Variants in IL1RAPL1 observed in about 807,000 individuals in gnomAD.
The protein encoded by IL1RAPL1 is interleukin 1 receptor accessory protein like 1.
Under a neutral mutation model 48.4 loss-of-function variants are expected in IL1RAPL1, and 3 were observed. The observed-to-expected ratio is 0.06, with a 90% CI of 0.03 to 0.16. The LOEUF (loss-of-function observed/expected upper bound fraction) is 0.16. Among genes scored for constraint, IL1RAPL1 ranks in the 10% least tolerant of loss-of-function variants. IL1RAPL1 has a pLI of 1.00. For missense variants in IL1RAPL1, 349 were observed against 530.6 expected (o/e 0.66, Z 3.36); for synonymous variants, 185 against 187.7 (o/e 0.99, Z 0.12).
chrX:28,784,950 A>G (rs1378084003), intron 1 of IL1RAPL1, among the ~76,000 whole-genome samples: 1 of 111,741 alleles, frequency 8.9e-6, no homozygotes, highest in African/African-American at 3.3e-5. Context: ...TGAATTGTGG[A>G]TTCCACATCC....
At chrX:29,689,583 A>G (rs1210741403) in intron 6 of IL1RAPL1, among the ~76,000 whole-genome samples, 1 of 111,908 alleles carries the variant, frequency 8.9e-6, no homozygotes, top group East Asian at 2.8e-4. Flanking sequence ...TGAAAATGTT[A>G]TGTGAACTCT....
chrX:28,835,369 G>A (rs1244471710), intron 2 of IL1RAPL1, among the ~76,000 whole-genome samples: 1 of 110,829 alleles, frequency 9.0e-6, no homozygotes, highest in Non-Finnish European at 1.9e-5. Context: ...AATTTCAATA[G>A]AGATTTCCAG....
chrX:29,811,210 A>G (rs1000310577), intron 6 of IL1RAPL1, among the ~76,000 whole-genome samples: 1 of 111,057 alleles, frequency 9.0e-6, no homozygotes, highest in Admixed American at 9.7e-5. Flanking sequence ...GGGTGGATAT[A>G]TTAGCAGAGT....
rs1327076848 is a variant in IL1RAPL1 at position 29,473,709 on chromosome X, G to T, written c.703+74401G>T. Among the ~76,000 whole-genome samples, 18 of 108,387 alleles carry T rather than the reference G, an allele frequency of 1.7e-4. No homozygotes were observed. The East Asian group carries it at 5.3e-3, about 32-fold the overall frequency. 94.1% of individuals were successfully genotyped at this position (108,387 alleles called of 115,157 possible). A position where few individuals can be genotyped will look rare whatever the true frequency, so the allele number is the denominator to read the frequency against. ...AGGAATTCTCTCATCTTCTAGGCTG[G>T]ATCAATTGGATTATGAATCTATCAA... On this transcript the variant is annotated intron_variant, in intron 5 of 10. Coordinates refer to ENST00000378993, the MANE Select transcript of IL1RAPL1 (RefSeq NM_014271.4).
intron 5 of IL1RAPL1, among the ~76,000 whole-genome samples, chrX:29,622,110 ATAT>A (rs1290595339): frequency 1.8e-5 from 2 of 112,598 alleles, no homozygotes; most frequent in African/African-American, 6.4e-5. Context: ...TGTCTGAATA[ATAT>A]TCCAGTGATC....
chrX:28,705,424 C>A (rs908391855), intron 1 of IL1RAPL1, among the ~76,000 whole-genome samples: 1 of 111,892 alleles, frequency 8.9e-6, no homozygotes, highest in African/African-American at 3.2e-5. Flanking sequence ...TTCCATCAGA[C>A]CTACCGGTGT....
chrX:28,984,353 G>C (rs1413281213), intron 2 of IL1RAPL1, among the ~76,000 whole-genome samples: 13 of 111,650 alleles, frequency 1.2e-4, no homozygotes. Flanking sequence ...TTCACACAAG[G>C]CTGGGTCATC....
intron 3 of IL1RAPL1, among the ~76,000 whole-genome samples, chrX:29,294,986 C>A (rs1245212221): frequency 9.0e-6 from 1 of 110,974 alleles, no homozygotes; most frequent in Non-Finnish European, 1.9e-5. Context: ...TACAGGAATT[C>A]TATGAAACCA....
intron 3 of IL1RAPL1, among the ~76,000 whole-genome samples, chrX:29,383,558 T>TA (rs1258259782): frequency 2.7e-5 from 3 of 112,170 alleles, no homozygotes; most frequent in East Asian, 2.8e-4. Flanking sequence ...TTTATGTTTA[T>TA]AAAAAAATAC....
At chrX:28,878,976 A>G (rs1479686497) in intron 2 of IL1RAPL1, among the ~76,000 whole-genome samples, 1 of 109,518 alleles carries the variant, frequency 9.1e-6, no homozygotes, top group Non-Finnish European at 1.9e-5. Flanking sequence ...CTAGAATTCA[A>G]ACTTGAATGT....
chrX:29,197,188 G>A (rs1439892236), intron 2 of IL1RAPL1, among the ~76,000 whole-genome samples: 1 of 111,333 alleles, frequency 9.0e-6, no homozygotes, highest in Non-Finnish European at 1.9e-5. Context: ...TATACAAGTT[G>A]AACAAAAAAT....
At chrX:29,189,653 A>T (rs1411546074) in intron 2 of IL1RAPL1, among the ~76,000 whole-genome samples, 2 of 111,432 alleles carry the variant, frequency 1.8e-5, no homozygotes, top group Non-Finnish European at 3.8e-5. Flanking sequence ...AAAATATTAT[A>T]TATTTTCCTA....
In IL1RAPL1 at chrX:29,955,337, C is replaced by T. The variant is rs751668274; in HGVS notation, c.1608C>T (p.Val536=). 1 of 1,210,987 alleles carries T rather than the reference C, an allele frequency of 8.3e-7. No homozygotes were observed. Among genetic ancestry groups the T allele is most frequent in the Admixed American group, 2.2e-5 (1 of 45,994 alleles). ...AGCACACCATCAAGCTCCTGACGGT[C>T]ATTAAATGGCATGGACCAAAATGCA... is the stretch of plus-strand genomic sequence containing the variant. ...ALKHTIKLLT[V]IKWHGPKCNK... is the part of the protein sequence containing the mutation. The change falls in exon 11 of 11, where the codon GTC becomes GTT. Residue 536 remains valine, a synonymous_variant. Transcript: ENST00000378993.
intron 2 of IL1RAPL1, among the ~76,000 whole-genome samples, chrX:28,815,885 A>ATATATATATATATATAT (rs1491568850): frequency 7.7e-5 from 4 of 51,734 alleles, no homozygotes; most frequent in Non-Finnish European, 1.1e-4. Context: ...ATATATATAT[A>ATATATATATATATATAT]ATTTTTTTCT....
Position 28,937,757 on chromosome X carries a change from T to C in IL1RAPL1, c.82+148332T>C, listed in dbSNP as rs34907701. Among the ~76,000 whole-genome samples, 889 of 111,612 alleles carry C rather than the reference T, an allele frequency of 8.0e-3. 4 individuals carry two copies. Among genetic ancestry groups the C allele is most frequent in the Non-Finnish European group, 0.014 (733 of 52,979 alleles). ...AATTATCCTGTTGGAGACAACATGA[T>C]TCTATATCTAGAAAACCCTATAGTT... On this transcript the variant is annotated intron_variant, in intron 2 of 10. Transcript: ENST00000378993.
chrX:29,096,525 C>T (rs1185838349), intron 2 of IL1RAPL1, among the ~76,000 whole-genome samples: 1 of 110,694 alleles, frequency 9.0e-6, no homozygotes, highest in Admixed American at 9.7e-5. Context: ...TAGATGGAAA[C>T]CCAGGGTATT....
chrX:29,876,916 A>G (rs1931916361), intron 6 of IL1RAPL1, among the ~76,000 whole-genome samples: 1 of 112,109 alleles, frequency 8.9e-6, no homozygotes, highest in Non-Finnish European at 1.9e-5. Context: ...CAAAGCACAA[A>G]GCAACCTGCT....
intron 2 of IL1RAPL1, among the ~76,000 whole-genome samples, chrX:28,804,468 A>G (rs1017509127): frequency 9.0e-6 from 1 of 111,666 alleles, no homozygotes; most frequent in East Asian, 2.8e-4. Flanking sequence ...AAATCCAGGT[A>G]TCAGCAGGGA....
intron 7 of IL1RAPL1, among the ~76,000 whole-genome samples, chrX:29,919,115 A>G (rs917096943): frequency 8.9e-6 from 1 of 112,229 alleles, no homozygotes; most frequent in African/African-American, 3.2e-5. Flanking sequence ...ATACATAAGA[A>G]TATTGTACTC....
Sources: gnomAD v4.1 joint callset for allele counts (sites outside exome capture counted in the v4.1 genomes callset) on GRCh38, gnomAD v4.1.1 for gene constraint, MANE v1.5 for transcripts, NCBI Gene and HGNC (gene_info 2026-07-23, HGNC 2026-07-21) for gene names.